Variants in CFAP20DC observed in about 807,000 individuals in gnomAD.
The protein encoded by CFAP20DC is protein CFAP20DC.
In CFAP20DC, 84 loss-of-function variants were observed where a neutral mutation model predicts 101.7. The observed-to-expected ratio is 0.83, with a 90% confidence interval of 0.69 to 0.99. The LOEUF is 0.99. Ranked by LOEUF, CFAP20DC falls within the 50% of genes least tolerant of loss-of-function variation. The pLI is 0.00. For missense variants in CFAP20DC, 1,007 were observed against 970.3 expected (o/e 1.04, Z -0.50); for synonymous variants, 359 against 351.2 (o/e 1.02, Z -0.25).
chr3:58,860,398 C>T (rs1027448385), intron 12 of CFAP20DC, among the ~76,000 whole-genome samples: 1 of 152,114 alleles, frequency 6.6e-6, no homozygotes, highest in Non-Finnish European at 1.5e-5. Flanking sequence ...GTATATTTAT[C>T]CTTTGCAGGC....
In CFAP20DC at chr3:58,824,959, G is replaced by A. The variant is rs748313699; in HGVS notation, c.2175+6727C>T. 1.1e-4 allele frequency among the ~76,000 whole-genome samples: 17 copies of A among 151,786 alleles called. 1 individual carries two copies. The highest frequency in any genetic ancestry group is 2.2e-4 in the Non-Finnish European group (15 of 67,956). ...TACAGACCTGTGCCACCATGCCCCC[G>A]TTCAGGTTATGTTAATTATTAACCT... On this transcript the variant is annotated intron_variant, in intron 14 of 16. Coordinates refer to ENST00000482387, the MANE Select transcript of CFAP20DC (RefSeq NM_001394063.1).
At chr3:58,957,437 GT>G (rs1296932007) in intron 4 of CFAP20DC, among the ~76,000 whole-genome samples, 3 of 152,168 alleles carry the variant, frequency 2.0e-5, no homozygotes, top group Admixed American at 2.0e-4. Context: ...ATGGAGAACA[GT>G]TTTGAGGTTC....
intron 4 of CFAP20DC, among the ~76,000 whole-genome samples, chr3:58,938,764 C>G (rs2107797987): frequency 6.6e-6 from 1 of 151,978 alleles, no homozygotes; most frequent in Middle Eastern, 3.4e-3. Context: ...CTCTACATAT[C>G]TTTCAGTGAA....
chr3:58,900,733 G>T (rs1350811454), intron 6 of CFAP20DC, among the ~76,000 whole-genome samples: 1 of 152,174 alleles, frequency 6.6e-6, no homozygotes, highest in Non-Finnish European at 1.5e-5. Context: ...CCAGATGGTG[G>T]GTTTCTTGAT....
At chr3:59,011,449 G>A (rs192762209) in intron 4 of CFAP20DC, among the ~76,000 whole-genome samples, 2 of 149,398 alleles carry the variant, frequency 1.3e-5, no homozygotes, top group Non-Finnish European at 3.0e-5. Flanking sequence ...GACAATATAT[G>A]TCACACCTCA....
chr3:58,849,948 AGTAT>A lies in CFAP20DC; in HGVS notation c.1594-543_1594-540del, dbSNP rs1325444016. On this transcript the variant is annotated intron_variant, in intron 12 of 16. Transcript: ENST00000482387. ...ATGGATAATGGAACATGTTTTATAAAGTATTTTTCTTACATGAAAATTTTAGTTT... is the reference window on the plus strand; with the variant it reads ...ATGGATAATGGAACATGTTTTATAAATTTTCTTACATGAAAATTTTAGTTT... 3.3e-5 allele frequency among the ~76,000 whole-genome samples: 5 copies of A among 152,214 alleles called. 1 individual carries two copies. Among genetic ancestry groups the A allele is most frequent in the Admixed American group, 3.3e-4 (5 of 15,284 alleles).
chr3:58,816,525 G>A (rs1575738807), intron 14 of CFAP20DC, among the ~76,000 whole-genome samples: 1 of 152,276 alleles, frequency 6.6e-6, no homozygotes, highest in African/African-American at 2.4e-5. Context: ...AAAGAAAGGG[G>A]TGACGGACGC....
chr3:58,994,459 G>T (rs1386722077), intron 4 of CFAP20DC, among the ~76,000 whole-genome samples: 2 of 151,802 alleles, frequency 1.3e-5, no homozygotes, highest in Non-Finnish European at 2.9e-5. Context: ...TTTTTAATGG[G>T]GAAACTGCAG....
chr3:58,998,413 A>G (rs1047939446), intron 4 of CFAP20DC, among the ~76,000 whole-genome samples: 14 of 152,338 alleles, frequency 9.2e-5, no homozygotes, highest in African/African-American at 3.4e-4. Context: ...GGATTAAACT[A>G]TATGACACCC....
Position 58,799,495 on chromosome 3 carries a change from C to G in CFAP20DC, c.2237+6900G>C, listed in dbSNP as rs998612370. 6.6e-6 allele frequency among the ~76,000 whole-genome samples: 1 copy of G among 152,044 alleles called. No individual in the cohort carries two copies. The highest frequency in any genetic ancestry group is 2.4e-5 in the African/African-American group (1 of 41,388). On this transcript the variant is annotated intron_variant, in intron 15 of 16. Coordinates refer to ENST00000482387, the MANE Select transcript of CFAP20DC (RefSeq NM_001394063.1). The surrounding 1 kb of genome is among the most constrained non-coding windows in gnomAD (Gnocchi z 4.9). ...CTCCAGCTAGTGGAATACACAGTGA[C>G]GTAGCTAGTGTAGAGAGATGAGGGA...
intron 15 of CFAP20DC, among the ~76,000 whole-genome samples, chr3:58,760,224 T>C (rs907772044): frequency 1.3e-5 from 2 of 152,230 alleles, no homozygotes; most frequent in Admixed American, 6.5e-5. Flanking sequence ...CAGTGGTTTG[T>C]AGTTCTCCTT....
At chr3:59,000,238 G>A (rs2093270726) in intron 4 of CFAP20DC, among the ~76,000 whole-genome samples, 2 of 152,014 alleles carry the variant, frequency 1.3e-5, no homozygotes, top group Non-Finnish European at 2.9e-5. Context: ...CTTTTAGCGA[G>A]GCTCTCTCTG....
At chr3:58,745,370 G>A (rs1425820252) in intron 16 of CFAP20DC, among the ~76,000 whole-genome samples, 1 of 151,972 alleles carries the variant, frequency 6.6e-6, no homozygotes, top group African/African-American at 2.4e-5. Flanking sequence ...AACACATGAA[G>A]CAAAAGCAGC....
chr3:58,780,416 A>G (rs2071719150), intron 15 of CFAP20DC, among the ~76,000 whole-genome samples: 1 of 152,106 alleles, frequency 6.6e-6, no homozygotes, highest in African/African-American at 2.4e-5. Context: ...CAAGTAATGA[A>G]ATAACAGAAA....
chr3:58,798,529 A>G (rs2073424631), intron 15 of CFAP20DC, among the ~76,000 whole-genome samples: 1 of 152,236 alleles, frequency 6.6e-6, no homozygotes, highest in Non-Finnish European at 1.5e-5. Flanking sequence ...TGATGTAAAC[A>G]CTAGTTGTAA....
chr3:59,029,466 T>C (rs1250683878), intron 4 of CFAP20DC, among the ~76,000 whole-genome samples: 1 of 151,928 alleles, frequency 6.6e-6, no homozygotes, highest in Non-Finnish European at 1.5e-5. Context: ...GAGGAGGAGT[T>C]AGCCAGGCAA....
rs577872340 is a variant in CFAP20DC, at chr3:58,751,515, G to A, written c.2332+2254C>T. ...AGCATGGGTGGGAGGAGAGGGGGCC[G>A]GCTGAGGGCTGACAGGTGACCAGAG... On this transcript the variant is annotated intron_variant, in intron 16 of 16. Coordinates refer to ENST00000482387, the MANE Select transcript of CFAP20DC (RefSeq NM_001394063.1). Among the ~76,000 whole-genome samples, 49 of 152,224 alleles carry A rather than the reference G, an allele frequency of 3.2e-4. 1 individual carries two copies. Among genetic ancestry groups the A allele is most frequent in the South Asian group, 2.7e-3 (13 of 4,816 alleles).
intron 15 of CFAP20DC, among the ~76,000 whole-genome samples, chr3:58,793,415 C>A (rs2073007687): frequency 6.6e-6 from 1 of 152,036 alleles, no homozygotes; most frequent in Admixed American, 6.6e-5. Flanking sequence ...TGTTTGCTTC[C>A]ATTTCTTCTG....
intron 4 of CFAP20DC, among the ~76,000 whole-genome samples, chr3:58,939,870 G>A (rs938639803): frequency 4.0e-5 from 6 of 149,864 alleles, no homozygotes; most frequent in African/African-American, 1.5e-4. Context: ...AGGTTCAAGC[G>A]ATTCTCCTGC....
Sources: gnomAD v4.1 joint callset for allele counts (sites outside exome capture counted in the v4.1 genomes callset) on GRCh38, gnomAD v4.1.1 for gene constraint, Gnocchi (gnomAD v3.1) non-coding constraint, MANE v1.5 for transcripts, NCBI Gene and HGNC (gene_info 2026-07-23, HGNC 2026-07-21) for gene names.